The following SNTG1 variants were observed in gnomAD, a reference collection of about 807,000 sequenced individuals.
SNTG1 encodes gamma-1-syntrophin.
In SNTG1, 39 loss-of-function variants were observed where a neutral mutation model predicts 74.7. The ratio of observed to expected loss-of-function variants is 0.52; its 90% CI spans 0.40 to 0.68. The LOEUF (loss-of-function observed/expected upper bound fraction) is 0.68, where lower values mean the gene tolerates loss of function less well. Among genes scored for constraint, SNTG1 ranks in the 30% least tolerant of loss-of-function variants. The pLI is 0.00. For missense variants in SNTG1, 685 were observed against 609.5 expected (o/e 1.12, Z -1.30); for synonymous variants, 254 against 217.1 (o/e 1.17, Z -1.49).
At chr8:49,962,013 C>T (rs1295644664) in intron 1 of SNTG1, among the ~76,000 whole-genome samples, 1 of 152,188 alleles carries the variant, frequency 6.6e-6, no homozygotes, top group Non-Finnish European at 1.5e-5. Context: ...GCCGGACAAA[C>T]ATTCTCCAGC....
chr8:50,319,764 C>T (rs2130804467), intron 2 of SNTG1, among the ~76,000 whole-genome samples: 1 of 152,226 alleles, frequency 6.6e-6, no homozygotes, highest in African/African-American at 2.4e-5. Flanking sequence ...AATGCTTTTT[C>T]ACCATCAGTT....
In SNTG1 at chr8:50,775,583, A is replaced by T. The variant is rs141920530; in HGVS notation, c.1396-17088A>T. ...CTACAGAAACTTGCAAATAATGTAT[A>T]TTCTATTTGTATTGTCCAAAAGTTC... On this transcript the variant is annotated intron_variant, in intron 18 of 18. Coordinates refer to ENST00000642720, the MANE Select transcript of SNTG1 (RefSeq NM_018967.5). 6.8e-3 allele frequency among the ~76,000 whole-genome samples: 1,033 copies of T among 151,766 alleles called. 12 individuals carry two copies. Among genetic ancestry groups the T allele is most frequent in the African/African-American group, 0.024 (997 of 41,524 alleles).
intron 18 of SNTG1, among the ~76,000 whole-genome samples, chr8:50,787,938 A>G (rs1379138841): frequency 1.3e-5 from 2 of 152,060 alleles, no homozygotes; most frequent in Non-Finnish European, 2.9e-5. Flanking sequence ...ACATCTGTGA[A>G]TATTCTAAAA....
At chr8:50,537,923 G>A (rs566233738) in intron 11 of SNTG1, among the ~76,000 whole-genome samples, 1 of 152,278 alleles carries the variant, frequency 6.6e-6, no homozygotes, top group African/African-American at 2.4e-5. Context: ...TAGTTTGCCA[G>A]TCCATTTTGA....
At chr8:50,489,280 G>T (rs757276252) in intron 8 of SNTG1, among the ~76,000 whole-genome samples, 27 of 152,160 alleles carry the variant, frequency 1.8e-4, no homozygotes, top group Non-Finnish European at 2.8e-4. Context: ...TAATCCTTTG[G>T]TTATATACCC....
intron 15 of SNTG1, among the ~76,000 whole-genome samples, chr8:50,686,863 C>A (rs374353666): frequency 6.6e-6 from 1 of 152,116 alleles, no homozygotes; most frequent in East Asian, 1.9e-4. Flanking sequence ...GGGCCGGGCG[C>A]GGTGGCTCAC....
chr8:50,746,105 A>T (rs1440533846), intron 17 of SNTG1, among the ~76,000 whole-genome samples: 2 of 152,010 alleles, frequency 1.3e-5, no homozygotes, highest in African/African-American at 2.4e-5. Flanking sequence ...GTTAAATAAT[A>T]ATTTGAAATT....
At chr8:50,626,031 C>T (rs929316447) in intron 13 of SNTG1, among the ~76,000 whole-genome samples, 1 of 152,076 alleles carries the variant, frequency 6.6e-6, no homozygotes, top group African/African-American at 2.4e-5. Flanking sequence ...ATAAGTTGTT[C>T]AAAGTTTTTT....
At chr8:50,177,774 T>C (rs1010861089) in intron 2 of SNTG1, among the ~76,000 whole-genome samples, 15 of 152,206 alleles carry the variant, frequency 9.9e-5, no homozygotes, top group African/African-American at 3.6e-4. Flanking sequence ...TGTTGCAGTG[T>C]TCTATGGGTC....
At chr8:50,436,136 A>G (rs1042818643) in intron 4 of SNTG1, among the ~76,000 whole-genome samples, 2 of 152,154 alleles carry the variant, frequency 1.3e-5, no homozygotes, top group Non-Finnish European at 2.9e-5. Flanking sequence ...TCTGACTGAA[A>G]TTTGTATTTT....
intron 8 of SNTG1, among the ~76,000 whole-genome samples, chr8:50,472,417 A>G (rs1318337143): frequency 2.0e-5 from 3 of 152,136 alleles, no homozygotes; most frequent in Non-Finnish European, 2.9e-5. Context: ...AGACCATTCA[A>G]TTAGGAAACA....
At chr8:50,519,953 A>G (rs545941851) in intron 9 of SNTG1, among the ~76,000 whole-genome samples, 3 of 152,316 alleles carry the variant, frequency 2.0e-5, no homozygotes, top group African/African-American at 4.8e-5. Context: ...TAAATTTCAT[A>G]TGGAACCAAA....
At chr8:50,328,887 G>A (rs2090853816) in intron 2 of SNTG1, among the ~76,000 whole-genome samples, 1 of 152,096 alleles carries the variant, frequency 6.6e-6, no homozygotes, top group African/African-American at 2.4e-5. Context: ...CTCAGACAAG[G>A]CAAGTCCCTT....
chr8:50,130,122 A>G (rs2081271903), intron 1 of SNTG1, among the ~76,000 whole-genome samples: 1 of 152,218 alleles, frequency 6.6e-6, no homozygotes, highest in Non-Finnish European at 1.5e-5. Flanking sequence ...AACTCTGAGG[A>G]GAATTATTAG....
At chr8:50,767,453 TC>T (rs2131769153) in intron 18 of SNTG1, among the ~76,000 whole-genome samples, 1 of 152,074 alleles carries the variant, frequency 6.6e-6, no homozygotes, top group Admixed American at 6.6e-5. Flanking sequence ...TATACTTTCT[TC>T]CTCTGATAGC....
chr8:50,398,781 A>G (rs1202742623), intron 3 of SNTG1, among the ~76,000 whole-genome samples: 1 of 152,080 alleles, frequency 6.6e-6, no homozygotes. Flanking sequence ...AATACAAAAA[A>G]TTAGCTGGGT....
At chr8:50,448,894 A>G (rs2093430149) in intron 5 of SNTG1, among the ~76,000 whole-genome samples, 1 of 83,460 alleles carries the variant, frequency 1.2e-5, no homozygotes, top group Non-Finnish European at 3.8e-5. Flanking sequence ...TTAGCTGGGC[A>G]TGGCGCACCT....
chr8:50,514,392 C>T (rs1302678738), intron 9 of SNTG1, among the ~76,000 whole-genome samples: 1 of 152,026 alleles, frequency 6.6e-6, no homozygotes, highest in Non-Finnish European at 1.5e-5. Context: ...AATGCTTTTG[C>T]TGCATCCCAT....
At chr8:49,972,226 C>T (rs1811754050) in intron 1 of SNTG1, among the ~76,000 whole-genome samples, 1 of 152,078 alleles carries the variant, frequency 6.6e-6, no homozygotes, top group Non-Finnish European at 1.5e-5. Context: ...TCTACAACCA[C>T]CTGATCTTTG....
Sources: gnomAD v4.1 joint callset for allele counts (sites outside exome capture counted in the v4.1 genomes callset) on GRCh38, gnomAD v4.1.1 for gene constraint, MANE v1.5 for transcripts, NCBI Gene and HGNC (gene_info 2026-07-23, HGNC 2026-07-21) for gene names.